Variants in DIPK2A observed in about 807,000 individuals in gnomAD.
DIPK2A encodes the protein divergent protein kinase domain 2A, also known as Golgi Protein of 49 kDa.
A neutral mutation model predicts 39.0 loss-of-function variants in DIPK2A; 27 were observed. That is an observed-to-expected ratio of 0.69 (90% CI 0.51 to 0.96). The LOEUF (loss-of-function observed/expected upper bound fraction) is 0.96. DIPK2A is among the 40% of genes least tolerant of loss of function. The pLI is 0.00. For synonymous variants in DIPK2A, 298 were observed against 240.8 expected (o/e 1.24, Z -2.20); for missense variants, 528 against 571.3 (o/e 0.92, Z 0.77).
Position 143,985,820 on chromosome 3 carries a change from T to G in DIPK2A, c.935T>G (p.Val312Gly), listed in dbSNP as rs1354588894. The change falls in exon 2 of 3, where the codon GTT becomes GGT. Residue 312 changes from valine to glycine, a missense_variant. Val to Gly is a moderately radical substitution (Grantham distance 109). Around this residue, in one of 2 missense-constraint regions of DIPK2A, gnomAD observed 219 missense variants for 281.5 expected, o/e 0.78. Transcript: ENST00000315691. ...ATTGTGGATGCTGAAAATGTTTTGG[T>G]TGCTGACAAAAGATTAATTAGACAA... The part of the protein sequence containing the change: ...VIIVDAENVL[V>G]ADKRLIRQNK... 6.2e-7 allele frequency: 1 copy of G among 1,613,026 alleles called. No individual in the cohort carries two copies. Among genetic ancestry groups the G allele is most frequent in the Non-Finnish European group, 8.5e-7 (1 of 1,179,340 alleles).
chr3:143,982,910 C>CAA (rs143606078), intron 1 of DIPK2A, among the ~76,000 whole-genome samples: 1 of 151,290 alleles, frequency 6.6e-6, no homozygotes, highest in Admixed American at 6.6e-5. Context: ...AAAAAAAACA[C>CAA]AAAAAAAACA....
intron 1 of DIPK2A, among the ~76,000 whole-genome samples, chr3:143,985,191 T>C (rs952519304): frequency 1.3e-5 from 2 of 152,230 alleles, no homozygotes; most frequent in Admixed American, 6.5e-5. Context: ...AAAGGATTGG[T>C]TGATTACATT....
rs143085192 is a variant in DIPK2A at position 143,974,978 on chromosome 3, C to T, written c.657+1989C>T. On this transcript the variant is annotated intron_variant, in intron 1 of 2. Coordinates refer to ENST00000315691, the MANE Select transcript of DIPK2A (RefSeq NM_173552.5). ...ATCTTGTTTTCTGTTTAACTTTTCC[C>T]TCAAACTTACTCTTTATCTGTTCTC... 2.6e-3 allele frequency among the ~76,000 whole-genome samples: 390 copies of T among 152,162 alleles called. 2 individuals are homozygous for T. Among genetic ancestry groups the T allele is most frequent in the African/African-American group, 8.6e-3 (357 of 41,526 alleles).
intron 1 of DIPK2A, among the ~76,000 whole-genome samples, chr3:143,981,384 C>T (rs150152131): frequency 1.8e-3 from 273 of 152,170 alleles, no homozygotes; most frequent in African/African-American, 6.1e-3. Context: ...ATTCCCTTAC[C>T]GCAAGTCATT....
intron 1 of DIPK2A, 38 bp downstream of exon 1, chr3:143,973,027 G>T (rs1310269276): frequency 1.9e-6 from 3 of 1,541,232 alleles, no homozygotes; most frequent in Non-Finnish European, 2.6e-6. Context: ...TCCTGGGAGG[G>T]GCCGCGCGTG....
intron 1 of DIPK2A, among the ~76,000 whole-genome samples, chr3:143,974,056 C>T (rs2087696284): frequency 1.3e-5 from 2 of 151,562 alleles, no homozygotes; most frequent in Middle Eastern, 3.2e-3. Flanking sequence ...TAAAAGTTCA[C>T]AAGTAATTTT....
At position 143,972,148 on chromosome 3, in the gene DIPK2A, C is replaced by G; in HGVS notation, c.-185C>G. 2.2e-6 allele frequency: 1 copy of G among 447,666 alleles called. No homozygotes were observed. The highest frequency in any genetic ancestry group is 5.7e-4 in the Middle Eastern group (1 of 1,746). 27.7% of individuals were successfully genotyped at this position (447,666 alleles called of 1,614,324 possible). A position where few individuals can be genotyped will look rare whatever the true frequency, so the allele number is the denominator to read the frequency against. On this transcript the variant is annotated 5_prime_UTR_variant, in exon 1 of 3. Coordinates refer to ENST00000315691, the MANE Select transcript of DIPK2A (RefSeq NM_173552.5). ...ACTAGTGACTGGGAGAAGTCGCAGC[C>G]CGCTCAGGCCCGCGCCTTCCCGCTC...
intron 2 of DIPK2A, 114 bp downstream of exon 2, chr3:143,985,960 C>T (rs758367048): frequency 1.3e-6 from 1 of 767,768 alleles, no homozygotes; most frequent in Non-Finnish European, 2.0e-6. Context: ...CTTTAAGCGT[C>T]TTTCTTTGCT....
At chr3:143,975,344 G>A (rs1354500397) in intron 1 of DIPK2A, among the ~76,000 whole-genome samples, 2 of 152,108 alleles carry the variant, frequency 1.3e-5, no homozygotes, top group Non-Finnish European at 2.9e-5. Context: ...AGTAGAGGAA[G>A]AAGATATTTT....
At position 143,972,969 on chromosome 3, in the gene DIPK2A, C is replaced by G. The variant is rs544167504; in HGVS notation, c.637C>G (p.Pro213Ala). 161 of 1,587,470 alleles carry G rather than the reference C, an allele frequency of 1.0e-4. No homozygotes were observed. Among genetic ancestry groups the G allele is most frequent in the Non-Finnish European group, 1.3e-4 (155 of 1,170,042 alleles). The change falls in exon 1 of 3, where the codon CCC becomes GCC. Residue 213 changes from proline (P) to alanine (A), a missense_variant. Coordinates refer to ENST00000315691, the MANE Select transcript of DIPK2A (RefSeq NM_173552.5). ...GCTGCTGCTGACCCTGGCCTTCAAC[C>G]CCGAGCCGCTGGTGCTACAGGTAGG... Reference protein sequence around the residue: ...MQLLLTLAFNPEPLVLQSFPS... With the variant: ...MQLLLTLAFNAEPLVLQSFPS...
intron 1 of DIPK2A, among the ~76,000 whole-genome samples, chr3:143,977,323 T>G (rs2087745003): frequency 6.6e-6 from 1 of 151,946 alleles, no homozygotes; most frequent in African/African-American, 2.4e-5. Flanking sequence ...AATTTGGTTT[T>G]TATTGTTGTT....
intron 1 of DIPK2A, chr3:143,978,628 A>ATATATCTATATC (rs2087770964): frequency 2.6e-5 from 1 of 38,568 alleles, no homozygotes; most frequent in Non-Finnish European, 4.3e-5. Context: ...ATATCTATAT[A>ATATATCTATATC]TATATATATA....
chr3:143,982,528 C>T (rs549086550), intron 1 of DIPK2A, among the ~76,000 whole-genome samples: 3 of 152,210 alleles, frequency 2.0e-5, no homozygotes, highest in East Asian at 1.9e-4. Flanking sequence ...GAAATAAAAT[C>T]CTTTCCAGAC....
chr3:143,976,119 G>C (rs2087724964), intron 1 of DIPK2A, among the ~76,000 whole-genome samples: 1 of 152,046 alleles, frequency 6.6e-6, no homozygotes, highest in Admixed American at 6.6e-5. Context: ...AAAGATTTGT[G>C]ATATAAATTT....
chr3:143,986,647 C>A (rs1405912398), intron 2 of DIPK2A, among the ~76,000 whole-genome samples: 2 of 151,422 alleles, frequency 1.3e-5, no homozygotes, highest in Admixed American at 1.3e-4. Flanking sequence ...TGGCGTGAAC[C>A]CCAGGGGGCG....
intron 1 of DIPK2A, 102 bp downstream of exon 1, chr3:143,973,091 C>A: frequency 7.0e-7 from 1 of 1,425,534 alleles, no homozygotes; most frequent in Non-Finnish European, 9.5e-7. Flanking sequence ...AGTTCGGACT[C>A]GGCCGGGCTG....
intron 1 of DIPK2A, among the ~76,000 whole-genome samples, chr3:143,980,166 A>G (rs968066336): frequency 2.0e-5 from 3 of 152,206 alleles, no homozygotes; most frequent in African/African-American, 7.2e-5. Flanking sequence ...ATCTTTATGA[A>G]CAGCTGTTAT....
At chr3:143,986,228 T>C (rs185224821) in intron 2 of DIPK2A, 1 of 166,718 alleles carries the variant, frequency 6.0e-6, no homozygotes, top group Admixed American at 6.1e-5. Flanking sequence ...TATTGAATTC[T>C]GTACTGAAAG....
At chr3:143,986,704 A>G (rs1469049760) in intron 2 of DIPK2A, among the ~76,000 whole-genome samples, 42 of 149,382 alleles carry the variant, frequency 2.8e-4, no homozygotes, top group African/African-American at 7.5e-4. Context: ...CAGCCTGGGC[A>G]ACAGCGAGAC....
Sources: allele counts gnomAD v4.1 joint callset (sites outside exome capture counted in the v4.1 genomes callset), GRCh38; gene constraint gnomAD v4.1.1; regional missense constraint gnomAD v4.1.1; transcripts MANE v1.5; gene names NCBI Gene and HGNC (gene_info 2026-07-23, HGNC 2026-07-21).